Variants in SBF2 observed in about 807,000 individuals in gnomAD.
SBF2 encodes the protein SET binding factor 2, also known as myotubularin-related protein 13.
A neutral mutation model predicts 225.2 loss-of-function variants in SBF2; 112 were observed. That is an observed-to-expected ratio of 0.50 (90% confidence interval 0.43 to 0.58). The LOEUF (loss-of-function observed/expected upper bound fraction) is 0.58, where lower values mean the gene tolerates loss of function less well. Ranked by LOEUF, SBF2 falls within the 20% of genes least tolerant of loss-of-function variation. The probability of loss-of-function intolerance (pLI) is 0.00; values close to 1 mark genes in which losing one functional copy is unlikely to be tolerated. For synonymous variants in SBF2, 763 were observed against 773.3 expected (o/e 0.99, Z 0.22); for missense variants, 1,996 against 2,206.2 (o/e 0.90, Z 1.91).
chr11:10,113,575 C>G (rs1022796078), intron 2 of SBF2, among the ~76,000 whole-genome samples: 15 of 151,994 alleles, frequency 9.9e-5, no homozygotes. Flanking sequence ...AGGTATTTCA[C>G]TATAAAGACT....
chr11:9,840,941 T>C (rs1856089634), intron 25 of SBF2, among the ~76,000 whole-genome samples: 1 of 151,678 alleles, frequency 6.6e-6, no homozygotes, highest in African/African-American at 2.4e-5. Context: ...CATTCCTAAT[T>C]GGTACTGCAT....
intron 1 of SBF2, among the ~76,000 whole-genome samples, chr11:10,235,926 C>T (rs1959054624): frequency 6.6e-6 from 1 of 152,000 alleles, no homozygotes; most frequent in Non-Finnish European, 1.5e-5. Flanking sequence ...AAACAATTAG[C>T]CAGGTGTGGT....
chr11:9,947,021 GAATTAGTTATTTGATCT>G (rs6144207), intron 16 of SBF2, among the ~76,000 whole-genome samples: 40,991 of 152,054 alleles, frequency 0.27, 5,859 homozygotes, highest in Admixed American at 0.36. Context: ...CTGGAATCTA[GAATTAGTTATTTGATCT>G]AATTAGATTG....
intron 1 of SBF2, among the ~76,000 whole-genome samples, chr11:10,271,071 C>A (rs1962454928): frequency 6.7e-6 from 1 of 148,984 alleles, no homozygotes; most frequent in African/African-American, 2.5e-5. Flanking sequence ...ACACAAAAAT[C>A]TCTGGAAATA....
At chr11:10,129,139 G>A (rs1006941898) in intron 2 of SBF2, among the ~76,000 whole-genome samples, 8 of 115,786 alleles carry the variant, frequency 6.9e-5, no homozygotes, top group African/African-American at 2.4e-4. Flanking sequence ...ACACAGTCTC[G>A]CTCCATCAGG....
At chr11:9,789,993 T>C (rs191648579) in intron 34 of SBF2, among the ~76,000 whole-genome samples, 272 of 152,290 alleles carry the variant, frequency 1.8e-3, no homozygotes, top group African/African-American at 6.2e-3. Flanking sequence ...AGACTAGGGT[T>C]CTATGATTGG....
At position 9,812,767 on chromosome 11, in the gene SBF2, T is replaced by C; in HGVS notation, c.3979-59A>G. On this transcript the variant is annotated intron_variant, in intron 29 of 39. Coordinates refer to ENST00000256190, the MANE Select transcript of SBF2 (RefSeq NM_030962.4). ...AAGTGCTATAGGTAAAAGAGTGATG[T>C]TTCCAATGGGGCAGTGCATAATGAC... 8 of 1,556,082 alleles carry C rather than the reference T, an allele frequency of 5.1e-6. No individual in the cohort carries two copies. The East Asian group carries it at 1.3e-4, about 26-fold the overall frequency.
intron 2 of SBF2, among the ~76,000 whole-genome samples, chr11:10,071,265 CTTTTTT>C (rs945479458): frequency 8.7e-5 from 9 of 103,070 alleles, no homozygotes; most frequent in Non-Finnish European, 1.5e-4. Context: ...CTCTCTCTCT[CTTTTTT>C]TTTTTTTTTT....
At chr11:10,158,532 A>C (rs190705355) in intron 2 of SBF2, among the ~76,000 whole-genome samples, 1 of 152,340 alleles carries the variant, frequency 6.6e-6, no homozygotes, top group African/African-American at 2.4e-5. Flanking sequence ...ATAAGAGATT[A>C]CTATGAACAA....
chr11:9,873,072 G>A (rs931257820), intron 17 of SBF2, among the ~76,000 whole-genome samples: 2 of 151,812 alleles, frequency 1.3e-5, no homozygotes. Flanking sequence ...TGGGCGTGGT[G>A]GCACACACCT....
chr11:10,083,853 G>A lies in SBF2; in HGVS notation c.142-40872C>T, dbSNP rs538307582. Among the ~76,000 whole-genome samples the A allele has an allele frequency of 1.3e-4, 20 of 152,214 alleles. No individual in the cohort carries two copies. In the East Asian group the frequency reaches 3.7e-3, roughly 28 times the overall value. On this transcript the variant is annotated intron_variant, in intron 2 of 39. Coordinates refer to ENST00000256190, the MANE Select transcript of SBF2 (RefSeq NM_030962.4). ...CATTACTAAAACCTCAAAAGCAAATGCAACAAAAGCAAAAATGGATGGCCA... is the reference window on the plus strand; with the variant it reads ...CATTACTAAAACCTCAAAAGCAAATACAACAAAAGCAAAAATGGATGGCCA...
At chr11:10,299,758 C>T (rs748629716) in intron 1 of SBF2, among the ~76,000 whole-genome samples, 3 of 152,174 alleles carry the variant, frequency 2.0e-5, no homozygotes, top group Non-Finnish European at 2.9e-5. Flanking sequence ...AGACTCTCTG[C>T]AGTCTCTCCA....
chr11:10,108,733 C>A (rs1952692635), intron 2 of SBF2, among the ~76,000 whole-genome samples: 1 of 151,270 alleles, frequency 6.6e-6, no homozygotes, highest in Non-Finnish European at 1.5e-5. Flanking sequence ...ACTGTGTTAG[C>A]CAGGATGGTC....
chr11:9,958,464 T>C (rs1866337478), intron 16 of SBF2: 1 of 152,522 alleles, frequency 6.6e-6, no homozygotes, highest in South Asian at 2.1e-4. Context: ...GTTCACGCCA[T>C]TCTCCTGCCT....
At chr11:10,189,286 G>A (rs1284913457) in intron 2 of SBF2, among the ~76,000 whole-genome samples, 1 of 152,018 alleles carries the variant, frequency 6.6e-6, no homozygotes, top group Non-Finnish European at 1.5e-5. Context: ...CTTTTAAAAT[G>A]TTTGTGAACC....
intron 3 of SBF2, among the ~76,000 whole-genome samples, chr11:10,039,473 T>G (rs185426272): frequency 1.3e-5 from 2 of 152,004 alleles, no homozygotes; most frequent in Admixed American, 1.3e-4. Flanking sequence ...TACAATTATA[T>G]AGAATCCGGA....
intron 1 of SBF2, among the ~76,000 whole-genome samples, chr11:10,286,375 T>C (rs1435571726): frequency 6.7e-6 from 1 of 150,054 alleles, no homozygotes; most frequent in Non-Finnish European, 1.5e-5. Context: ...GAGACAGTCT[T>C]GCTCTGTCGC....
chr11:9,902,899 A>T (rs1861831268), intron 16 of SBF2, among the ~76,000 whole-genome samples: 1 of 152,128 alleles, frequency 6.6e-6, no homozygotes, highest in Admixed American at 6.5e-5. Context: ...TGAAAGAAAC[A>T]GAAATAGAGT....
At chr11:10,155,632 G>A (rs372668258) in intron 2 of SBF2, among the ~76,000 whole-genome samples, 4 of 152,126 alleles carry the variant, frequency 2.6e-5, no homozygotes, top group African/African-American at 7.2e-5. Context: ...ATATATAAAG[G>A]ATTAAATAGT....
Sources: allele counts gnomAD v4.1 joint callset (sites outside exome capture counted in the v4.1 genomes callset), GRCh38; gene constraint gnomAD v4.1.1; transcripts MANE v1.5; gene names NCBI Gene and HGNC (gene_info 2026-07-23, HGNC 2026-07-21).